JMJD1C: variants seen among roughly 807,000 people sequenced by gnomAD.
The protein encoded by JMJD1C is jumonji domain-containing protein 1C.
In JMJD1C, 31 loss-of-function variants were observed where a neutral mutation model predicts 245.3. The observed-to-expected ratio is 0.13, with a 90% CI of 0.09 to 0.17. The LOEUF (loss-of-function observed/expected upper bound fraction) is 0.17, where lower values mean the gene tolerates loss of function less well. Ranked by LOEUF, JMJD1C falls within the 10% of genes least tolerant of loss-of-function variation. The pLI is 1.00. For missense variants in JMJD1C, 2,691 were observed against 3,000.2 expected (o/e 0.90, Z 2.41); for synonymous variants, 1,057 against 1,017.4 (o/e 1.04, Z -0.74).
In JMJD1C at chr10:63,265,291, T is replaced by A. The variant is rs534547120; in HGVS notation, c.334-527A>T. ...CCCCCGCCCCTGCACCAAGCACAGA[T>A]AAAAATCCCGCAGCTTCGGTGAGAG... On this transcript the variant is annotated intron_variant, in intron 2 of 25. Transcript: ENST00000399262. 1.4e-4 allele frequency among the ~76,000 whole-genome samples: 14 copies of A among 103,356 alleles called. No individual in the cohort carries two copies. The East Asian group carries it at 4.0e-3, about 30-fold the overall frequency. The allele number at this position is 103,356 out of a possible 152,430, so 67.8% of individuals were successfully genotyped here.
rs1359284743 is a variant in JMJD1C, at chr10:63,354,591, T to TA, written c.333+25726dup. Among the ~76,000 whole-genome samples, 10 of 152,150 alleles carry TA rather than the reference T, an allele frequency of 6.6e-5. No individual in the cohort carries two copies. The East Asian group carries it at 1.9e-3, about 29-fold the overall frequency. On this transcript the variant is annotated intron_variant, in intron 2 of 25. Coordinates refer to ENST00000399262, the MANE Select transcript of JMJD1C (RefSeq NM_032776.3). ...GTATATTTTACTTTTTCTCTAGTTTTAAAAATACCTTTTCTATTTTAATCA... is the reference window on the plus strand; with the variant it reads ...GTATATTTTACTTTTTCTCTAGTTTTAAAAAATACCTTTTCTATTTTAATCA...
At chr10:63,286,137 C>T (rs750255325) in intron 2 of JMJD1C, among the ~76,000 whole-genome samples, 1 of 152,188 alleles carries the variant, frequency 6.6e-6, no homozygotes, top group Non-Finnish European at 1.5e-5. Context: ...CTTCTAGCAA[C>T]TGTTCTTAAC....
intron 3 of JMJD1C, among the ~76,000 whole-genome samples, chr10:63,239,605 C>T (rs369848017): frequency 6.0e-4 from 91 of 152,220 alleles, no homozygotes; most frequent in African/African-American, 1.9e-3. Flanking sequence ...CCACCACACA[C>T]GGCTAATTTT....
chr10:63,260,030 T>C (rs1381144387), intron 3 of JMJD1C, among the ~76,000 whole-genome samples: 4 of 151,988 alleles, frequency 2.6e-5, no homozygotes, highest in Non-Finnish European at 5.9e-5. Context: ...GCCTCCAGAG[T>C]AGCTGGGATC....
chr10:63,513,596 A>T (rs1290016293), intron 1 of JMJD1C, among the ~76,000 whole-genome samples: 1 of 152,192 alleles, frequency 6.6e-6, no homozygotes, highest in East Asian at 1.9e-4. Flanking sequence ...TTGATAATGA[A>T]CTTAAACAAC....
Position 63,194,302 on chromosome 10 carries a change from T to A in JMJD1C, c.5718A>T (p.Gln1906His). Residue 1906 changes from glutamine to histidine, a missense_variant, in exon 14 of 26, where the codon CAA becomes CAT. Coordinates refer to ENST00000399262, the MANE Select transcript of JMJD1C (RefSeq NM_032776.3). Reference protein sequence around the residue: ...PHDHKHLMPTQIIPGSVLTDL... With the variant: ...PHDHKHLMPTHIIPGSVLTDL... ...TATACTTACCAGAACCAGGTATAAT[T>A]TGGGTTGGCATTAAATGTTTGTGAT... 6.2e-7 allele frequency: 1 copy of A among 1,609,802 alleles called. No individual in the cohort carries two copies. The highest frequency in any genetic ancestry group is 8.5e-7 in the Non-Finnish European group (1 of 1,176,174).
At chr10:63,374,346 T>G (rs1326963740) in intron 2 of JMJD1C, among the ~76,000 whole-genome samples, 1 of 152,186 alleles carries the variant, frequency 6.6e-6, no homozygotes, top group Non-Finnish European at 1.5e-5. Context: ...AAGAGTAACA[T>G]TCAATGCTGC....
At chr10:63,224,542 G>A (rs2133326867) in intron 3 of JMJD1C, among the ~76,000 whole-genome samples, 1 of 152,182 alleles carries the variant, frequency 6.6e-6, no homozygotes, top group South Asian at 2.1e-4. Flanking sequence ...GATTATTAAA[G>A]GTTAAATGAG....
chr10:63,460,834 C>T (rs141680516), intron 1 of JMJD1C, among the ~76,000 whole-genome samples: 33 of 152,132 alleles, frequency 2.2e-4, no homozygotes, highest in African/African-American at 7.5e-4. Flanking sequence ...TATACAAAGA[C>T]GATAAGGTTT....
In JMJD1C at chr10:63,190,943, G is replaced by C; in HGVS notation, c.6242C>G (p.Ser2081Cys). 6.2e-7 allele frequency: 1 copy of C among 1,614,062 alleles called. No homozygotes were observed. Among genetic ancestry groups the C allele is most frequent in the Non-Finnish European group, 8.5e-7 (1 of 1,179,940 alleles). Reference protein sequence around the residue: ...TTTAGKLRVGSTDAGIAFAPV... With the variant: ...TTTAGKLRVGCTDAGIAFAPV... ...GGCAAAGGCAATGCCAGCATCTGTA[G>C]ACCCCACACGTAGCTTTCCAGCTGT... is the stretch of plus-strand genomic sequence containing the variant. Residue 2081 changes from serine to cysteine, a missense_variant, in exon 17 of 26, where the codon TCT becomes TGT. Physicochemically the swap from Ser to Cys is moderately radical, Grantham distance 112. Transcript: ENST00000399262.
At chr10:63,232,361 A>T (rs1017022449) in intron 3 of JMJD1C, among the ~76,000 whole-genome samples, 4 of 152,168 alleles carry the variant, frequency 2.6e-5, no homozygotes, top group African/African-American at 7.2e-5. Flanking sequence ...AATGTTAAAA[A>T]TTTTTTAAAA....
At chr10:63,268,460 C>T (rs1210661430) in intron 2 of JMJD1C, among the ~76,000 whole-genome samples, 3 of 152,104 alleles carry the variant, frequency 2.0e-5, no homozygotes, top group Non-Finnish European at 4.4e-5. Context: ...CAATTAAACT[C>T]GTTTTTTAAC....
intron 2 of JMJD1C, among the ~76,000 whole-genome samples, chr10:63,353,892 G>A (rs569781987): frequency 1.3e-5 from 2 of 152,050 alleles, no homozygotes; most frequent in Non-Finnish European, 2.9e-5. Flanking sequence ...CCAGGCTGGA[G>A]TGCAGTGGTG....
chr10:63,440,365 T>TGG (rs1554937973), intron 1 of JMJD1C, among the ~76,000 whole-genome samples: 1,628 of 138,284 alleles, frequency 0.012, 26 homozygotes, highest in Non-Finnish European at 0.018. Context: ...TATATATATA[T>TGG]AGAGAGAGAG....
At chr10:63,490,143 C>A (rs1046729487) in intron 1 of JMJD1C, among the ~76,000 whole-genome samples, 6 of 152,008 alleles carry the variant, frequency 3.9e-5, no homozygotes, top group Non-Finnish European at 8.8e-5. Context: ...CCCCTGGTGC[C>A]AAAAAGGCTG....
At chr10:63,421,697 T>C (rs540842484) in intron 1 of JMJD1C, among the ~76,000 whole-genome samples, 6 of 152,354 alleles carry the variant, frequency 3.9e-5, no homozygotes, top group East Asian at 3.9e-4. Context: ...TGAGATCATA[T>C]GGGTGAGACC....
At position 63,370,828 on chromosome 10, in the gene JMJD1C, A is replaced by C. The variant is rs149168576; in HGVS notation, c.333+9490T>G. Reference sequence around the variant, plus strand: ...TTTACTAAAATAACTCATTTGAAGAAGACTACCTCCAAAATATAAAATACT... The same window carrying C: ...TTTACTAAAATAACTCATTTGAAGACGACTACCTCCAAAATATAAAATACT... On this transcript the variant is annotated intron_variant, in intron 2 of 25. Transcript: ENST00000399262. 3.3e-3 allele frequency among the ~76,000 whole-genome samples: 503 copies of C among 152,364 alleles called. 2 individuals carry two copies. The highest frequency in any genetic ancestry group is 0.012 in the African/African-American group (483 of 41,588).
intron 3 of JMJD1C, among the ~76,000 whole-genome samples, chr10:63,250,901 T>A (rs1311241660): frequency 6.6e-6 from 1 of 152,058 alleles, no homozygotes; most frequent in Non-Finnish European, 1.5e-5. Flanking sequence ...GCACCACATG[T>A]GGCTAAATTT....
At chr10:63,202,360 T>C (rs1846120003) in intron 10 of JMJD1C, 1 of 984,584 alleles carries the variant, frequency 1.0e-6, no homozygotes, top group African/African-American at 1.7e-5. Context: ...ATATGTCAGA[T>C]ATTAGATTTA....
Sources: gnomAD v4.1 joint callset for allele counts (sites outside exome capture counted in the v4.1 genomes callset) on GRCh38, gnomAD v4.1.1 for gene constraint, MANE v1.5 for transcripts, NCBI Gene and HGNC (gene_info 2026-07-23, HGNC 2026-07-21) for gene names.